ZZZ3: variants seen among roughly 807,000 people sequenced by gnomAD.
ZZZ3 encodes the protein zinc finger ZZ-type containing 3, also known as ZZ-type zinc finger-containing protein 3.
In ZZZ3, 22 loss-of-function variants were observed where a neutral mutation model predicts 95.2. The observed-to-expected ratio is 0.23, with a 90% CI of 0.17 to 0.33. The LOEUF (loss-of-function observed/expected upper bound fraction) is 0.33, where lower values mean the gene tolerates loss of function less well. ZZZ3 is among the 10% of genes least tolerant of loss of function. The probability of loss-of-function intolerance (pLI) is 1.00; values close to 1 mark genes in which losing one functional copy is unlikely to be tolerated. For synonymous variants in ZZZ3, 335 were observed against 358.9 expected (o/e 0.93, Z 0.75); for missense variants, 885 against 1,066.5 (o/e 0.83, Z 2.37).
At chr1:77,674,476 G>A (rs947347639) in intron 1 of ZZZ3, among the ~76,000 whole-genome samples, 4 of 152,152 alleles carry the variant, frequency 2.6e-5, no homozygotes, top group Non-Finnish European at 4.4e-5. Flanking sequence ...ATTAATGACC[G>A]GAATAAACAC....
intron 5 of ZZZ3, among the ~76,000 whole-genome samples, chr1:77,603,084 CT>C (rs985891062): frequency 1.2e-4 from 18 of 146,694 alleles, no homozygotes; most frequent in South Asian, 2.1e-4. Context: ...AACCTGTCAA[CT>C]TTTTTTTTTT....
chr1:77,669,140 G>T (rs1671511308), intron 1 of ZZZ3, among the ~76,000 whole-genome samples: 1 of 152,062 alleles, frequency 6.6e-6, no homozygotes, highest in Non-Finnish European at 1.5e-5. Flanking sequence ...TCATTCTTGA[G>T]AGGCATTCAG....
chr1:77,640,617 A>T (rs1668697707), intron 3 of ZZZ3, among the ~76,000 whole-genome samples: 1 of 150,994 alleles, frequency 6.6e-6, no homozygotes, highest in South Asian at 2.1e-4. Flanking sequence ...AAAAAAAAAA[A>T]GAGAGAATGT....
At chr1:77,618,537 G>A (rs776904721) in intron 5 of ZZZ3, among the ~76,000 whole-genome samples, 1 of 152,144 alleles carries the variant, frequency 6.6e-6, no homozygotes, top group Non-Finnish European at 1.5e-5. Context: ...GCAGTGGTGA[G>A]AGAGTATATA....
intron 5 of ZZZ3, among the ~76,000 whole-genome samples, chr1:77,599,193 T>C (rs530694035): frequency 5.0e-4 from 76 of 152,224 alleles, no homozygotes; most frequent in Non-Finnish European, 7.5e-4. Flanking sequence ...GCTCAGTTTA[T>C]ATAAATTTTA....
intron 1 of ZZZ3, among the ~76,000 whole-genome samples, chr1:77,671,989 G>A (rs1329697078): frequency 2.0e-5 from 3 of 152,166 alleles, no homozygotes; most frequent in African/African-American, 7.2e-5. Context: ...ACTGGACAAA[G>A]GGATGATTCA....
intron 1 of ZZZ3, among the ~76,000 whole-genome samples, chr1:77,658,435 G>A (rs535894756): frequency 4.6e-5 from 7 of 151,676 alleles, no homozygotes; most frequent in East Asian, 1.9e-4. Context: ...TTGATCTCCC[G>A]GGCTCAAACG....
At chr1:77,637,530 T>C (rs1410252602) in intron 4 of ZZZ3, among the ~76,000 whole-genome samples, 1 of 152,130 alleles carries the variant, frequency 6.6e-6, no homozygotes, top group African/African-American at 2.4e-5. Flanking sequence ...CAAAAATGTC[T>C]AGATTAGCCA....
intron 5 of ZZZ3, among the ~76,000 whole-genome samples, chr1:77,588,208 CA>C (rs200346664): frequency 4.4e-3 from 663 of 152,222 alleles, no homozygotes; most frequent in Non-Finnish European, 6.4e-3. Context: ...ACATGCCAGA[CA>C]AATGTTGCAT....
At position 77,574,137 on chromosome 1, in the gene ZZZ3, C is replaced by CATATAGATATATATAGATTTAT. The variant is rs1461684305; in HGVS notation, c.2331+1909_2331+1930dup. On this transcript the variant is annotated intron_variant, in intron 12 of 14. Coordinates refer to ENST00000370801, the MANE Select transcript of ZZZ3 (RefSeq NM_015534.6). Reference sequence around the variant, plus strand: ...ATAGATATATATATAGATAGATTTACATATAGATATATATAGATTTATATA... The same window carrying CATATAGATATATATAGATTTAT: ...ATAGATATATATATAGATAGATTTACATATAGATATATATAGATTTATATATAGATATATATAGATTTATATA... Among the ~76,000 whole-genome samples, 5 of 147,278 alleles carry CATATAGATATATATAGATTTAT rather than the reference C, an allele frequency of 3.4e-5. No individual in the cohort carries two copies. In the South Asian group the frequency reaches 6.3e-4, roughly 19 times the overall value.
Position 77,578,855 on chromosome 1 carries a change from T to C in ZZZ3, c.2097A>G (p.Val699=). 1.3e-6 allele frequency: 2 copies of C among 1,565,342 alleles called. No homozygotes were observed. Among genetic ancestry groups the C allele is most frequent in the Non-Finnish European group, 1.7e-6 (2 of 1,160,032 alleles). Reference sequence around the variant, plus strand: ...TAGTTAGCTTTATGAAATACTTCTGTACTCGGCTGGCAACCTAAGGAAACA... The same window carrying C: ...TAGTTAGCTTTATGAAATACTTCTGCACTCGGCTGGCAACCTAAGGAAACA... The part of the protein sequence containing the change: ...NRTAKQVASR[V]QKYFIKLTKA... Residue 699 remains valine (V), a synonymous_variant, in exon 11 of 15, where the codon GTA becomes GTG. Transcript: ENST00000370801.
intron 5 of ZZZ3, among the ~76,000 whole-genome samples, chr1:77,615,139 T>C (rs1028542465): frequency 6.6e-6 from 1 of 152,224 alleles, no homozygotes; most frequent in Non-Finnish European, 1.5e-5. Context: ...TCAAGGAAGC[T>C]TTCTTCCTAC....
chr1:77,682,036 T>C (rs1236838724), intron 1 of ZZZ3, among the ~76,000 whole-genome samples: 1 of 151,966 alleles, frequency 6.6e-6, no homozygotes, highest in Non-Finnish European at 1.5e-5. Flanking sequence ...ACTGAGTTAA[T>C]AGGCACGTAC....
chr1:77,566,036 C>G, intron 14 of ZZZ3, 45 bp downstream of exon 14: 1 of 1,468,464 alleles, frequency 6.8e-7, no homozygotes, highest in Non-Finnish European at 9.4e-7. Context: ...CTGAGAAGCT[C>G]TTTTCTTGTC....
At chr1:77,643,961 T>C (rs573253385) in intron 1 of ZZZ3, among the ~76,000 whole-genome samples, 10 of 152,332 alleles carry the variant, frequency 6.6e-5, no homozygotes, top group Non-Finnish European at 1.0e-4. Flanking sequence ...AAGTATCACA[T>C]ATAGGCACTA....
intron 5 of ZZZ3, among the ~76,000 whole-genome samples, chr1:77,627,346 A>G (rs568198923): frequency 1.3e-5 from 2 of 152,222 alleles, no homozygotes; most frequent in Non-Finnish European, 2.9e-5. Context: ...AGCACAATAC[A>G]GATGTAAAAT....
At chr1:77,653,314 G>A (rs938537272) in intron 1 of ZZZ3, among the ~76,000 whole-genome samples, 3 of 152,142 alleles carry the variant, frequency 2.0e-5, no homozygotes, top group Admixed American at 2.0e-4. Flanking sequence ...TATAGGTATG[G>A]GGTTTCTTTT....
At chr1:77,645,835 T>C (rs766924394) in intron 1 of ZZZ3, among the ~76,000 whole-genome samples, 1 of 151,568 alleles carries the variant, frequency 6.6e-6, no homozygotes, top group African/African-American at 2.4e-5. Context: ...CCAGGTGTGG[T>C]GGTGTGTGCC....
chr1:77,653,363 T>G (rs2100976070), intron 1 of ZZZ3, among the ~76,000 whole-genome samples: 1 of 152,376 alleles, frequency 6.6e-6, no homozygotes. Context: ...GTACTACTGA[T>G]GGTTGTCCTA....
Sources: allele counts gnomAD v4.1 joint callset (sites outside exome capture counted in the v4.1 genomes callset), GRCh38; gene constraint gnomAD v4.1.1; transcripts MANE v1.5; gene names NCBI Gene and HGNC (gene_info 2026-07-23, HGNC 2026-07-21).